The following ZNF407 variants were observed in gnomAD, a reference collection of about 807,000 sequenced individuals.
The protein encoded by ZNF407 is zinc finger protein 407.
A neutral mutation model predicts 131.2 loss-of-function variants in ZNF407; 17 were observed. That is an observed-to-expected ratio of 0.13 (90% CI 0.09 to 0.19). The LOEUF is 0.19. ZNF407 is among the 10% of genes least tolerant of loss of function. The pLI is 1.00. For synonymous variants in ZNF407, 1,156 were observed against 1,062.0 expected, an observed-to-expected ratio of 1.09 and a Z score of -1.72; for missense variants, 2,681 against 2,830.6, an observed-to-expected ratio of 0.95 and a Z score of 1.20.
At chr18:74,977,099 T>G (rs1340829700) in intron 8 of ZNF407, among the ~76,000 whole-genome samples, 1 of 152,258 alleles carries the variant, frequency 6.6e-6, no homozygotes, top group Non-Finnish European at 1.5e-5. Context: ...TGTTTATGTG[T>G]TTTTAATTTA....
intron 3 of ZNF407, among the ~76,000 whole-genome samples, chr18:74,740,648 G>C (rs1465904708): frequency 1.3e-5 from 2 of 152,152 alleles, no homozygotes; most frequent in Admixed American, 1.3e-4. Flanking sequence ...GAGTTAGGGG[G>C]CATGGAGTGG....
At chr18:75,009,007 G>A (rs1286604432) in intron 8 of ZNF407, among the ~76,000 whole-genome samples, 1 of 151,744 alleles carries the variant, frequency 6.6e-6, no homozygotes, top group African/African-American at 2.4e-5. Flanking sequence ...TCCATCCCAG[G>A]GACCCATTAT....
At chr18:74,695,196 C>T (rs775662182) in intron 3 of ZNF407, among the ~76,000 whole-genome samples, 8 of 151,928 alleles carry the variant, frequency 5.3e-5, no homozygotes, top group East Asian at 1.9e-4. Context: ...CTTGGATAAG[C>T]GATATGGAAG....
intron 3 of ZNF407, among the ~76,000 whole-genome samples, chr18:74,759,461 G>A (rs1331896017): frequency 6.6e-6 from 1 of 151,784 alleles, no homozygotes; most frequent in African/African-American, 2.4e-5. Context: ...TTCTTATTAT[G>A]TCCTTAATAT....
intron 4 of ZNF407, among the ~76,000 whole-genome samples, chr18:74,860,602 A>G (rs1970924891): frequency 2.6e-5 from 4 of 151,910 alleles, no homozygotes; most frequent in Admixed American, 2.6e-4. Context: ...TCTTTCTACT[A>G]ACATTTTTGT....
At chr18:74,630,185 T>A (rs1983987171) in intron 1 of ZNF407, among the ~76,000 whole-genome samples, 1 of 150,262 alleles carries the variant, frequency 6.7e-6, no homozygotes, top group African/African-American at 2.5e-5. Context: ...TTTTTTTTTT[T>A]TTTGAGACGG....
intron 8 of ZNF407, among the ~76,000 whole-genome samples, chr18:75,030,959 T>A (rs1342290099): frequency 2.6e-5 from 4 of 152,188 alleles, no homozygotes; most frequent in African/African-American, 9.7e-5. Context: ...GACTTCCCAG[T>A]CATTAATAAA....
chr18:75,054,591 T>C (rs574253448), intron 8 of ZNF407, among the ~76,000 whole-genome samples: 1 of 152,390 alleles, frequency 6.6e-6, no homozygotes, highest in Admixed American at 6.5e-5. Flanking sequence ...TGCATAATTT[T>C]ACCTTTTAAG....
At chr18:74,609,529 T>A (rs568536030) in intron 1 of ZNF407, among the ~76,000 whole-genome samples, 175 of 152,316 alleles carry the variant, frequency 1.1e-3, no homozygotes, top group African/African-American at 3.9e-3. Flanking sequence ...AAAAAAGGTA[T>A]ACTTGTTTAG....
intron 8 of ZNF407, among the ~76,000 whole-genome samples, chr18:75,046,215 T>C (rs1973433889): frequency 2.6e-5 from 4 of 152,090 alleles, no homozygotes; most frequent in Non-Finnish European, 5.9e-5. Context: ...TAACAGAAAA[T>C]TTAAAAATAC....
At chr18:74,802,235 T>C (rs1443815383) in intron 4 of ZNF407, among the ~76,000 whole-genome samples, 2 of 152,230 alleles carry the variant, frequency 1.3e-5, no homozygotes, top group Non-Finnish European at 2.9e-5. Flanking sequence ...CATTATTCCA[T>C]GTCAATTTGT....
chr18:74,640,125 G>A (rs1484658679), intron 2 of ZNF407, among the ~76,000 whole-genome samples: 1 of 151,992 alleles, frequency 6.6e-6, no homozygotes, highest in Non-Finnish European at 1.5e-5. Context: ...TAGAAAGTTT[G>A]GAAATGGTGT....
intron 4 of ZNF407, among the ~76,000 whole-genome samples, chr18:74,849,014 A>G (rs1410221757): frequency 6.7e-6 from 1 of 149,584 alleles, no homozygotes; most frequent in Non-Finnish European, 1.5e-5. Flanking sequence ...GATTCCTTCA[A>G]TGCCACTTCT....
intron 3 of ZNF407, among the ~76,000 whole-genome samples, chr18:74,769,844 A>G (rs1381282283): frequency 6.6e-6 from 1 of 152,208 alleles, no homozygotes; most frequent in Non-Finnish European, 1.5e-5. Flanking sequence ...GTTGGAAAAT[A>G]ACTTTGTAAT....
intron 1 of ZNF407, 85 bp from the exon 2 acceptor site, chr18:74,630,881 AC>A: frequency 9.5e-7 from 1 of 1,047,256 alleles, no homozygotes; most frequent in Non-Finnish European, 1.3e-6. Flanking sequence ...ATTGGGGCTA[AC>A]TTCATGATAC....
chr18:74,752,690 T>G (rs1206367123), intron 3 of ZNF407, among the ~76,000 whole-genome samples: 2 of 152,172 alleles, frequency 1.3e-5, no homozygotes, highest in Non-Finnish European at 2.9e-5. Flanking sequence ...GTTGTAGACG[T>G]GTGGTATTAT....
chr18:74,740,870 A>T (rs1968533297), intron 3 of ZNF407, among the ~76,000 whole-genome samples: 1 of 152,140 alleles, frequency 6.6e-6, no homozygotes, highest in African/African-American at 2.4e-5. Flanking sequence ...TGAGGAAGTA[A>T]TCAAATGATG....
At chr18:75,037,283 G>A (rs184695584) in intron 8 of ZNF407, among the ~76,000 whole-genome samples, 2 of 152,176 alleles carry the variant, frequency 1.3e-5, no homozygotes, top group Admixed American at 1.3e-4. Flanking sequence ...ACAGATCCCT[G>A]TTCAGAGTCT....
chr18:74,631,071 A>G lies in ZNF407; in HGVS notation c.52A>G (p.Lys18Glu). The change falls in exon 2 of 9, where the codon AAA becomes GAA. Residue 18 changes from lysine to glutamate, a missense_variant. Lys to Glu is a moderately conservative substitution (Grantham distance 56). Around this residue, in one of 6 missense-constraint regions of ZNF407, gnomAD observed 1,789 missense variants for 1,748.7 expected, o/e 1.02. Transcript: ENST00000299687. Reference protein sequence around the residue: ...PENDEDEKINKEAQDLTKLSS... With the variant: ...PENDEDEKINEEAQDLTKLSS... ...AAATGATGAGGATGAAAAGATAAAC[A>G]AAGAAGCACAAGACTTGACAAAGCT... 6.2e-7 allele frequency: 1 copy of G among 1,612,528 alleles called. No homozygotes were observed. Among genetic ancestry groups the G allele is most frequent in the Non-Finnish European group, 8.5e-7 (1 of 1,179,536 alleles).
Sources: gnomAD v4.1 joint callset for allele counts (sites outside exome capture counted in the v4.1 genomes callset) on GRCh38, gnomAD v4.1.1 for gene constraint, gnomAD v4.1.1 regional missense constraint, MANE v1.5 for transcripts, NCBI Gene and HGNC (gene_info 2026-07-23, HGNC 2026-07-21) for gene names.